The following GNG2 variants were observed in gnomAD, a reference collection of about 807,000 sequenced individuals.
GNG2 encodes guanine nucleotide-binding protein G(I)/G(S)/G(O) subunit gamma-2.
A neutral mutation model predicts 5.5 loss-of-function variants in GNG2; 5 were observed. The ratio of observed to expected loss-of-function variants is 0.91; its 90% CI spans 0.48 to 1.92. The LOEUF (loss-of-function observed/expected upper bound fraction) is 1.92, where lower values mean the gene tolerates loss of function less well. Ranked by LOEUF, GNG2 falls within the 30% of genes most tolerant of loss-of-function variation. The probability of loss-of-function intolerance (pLI) is 0.01; values close to 1 mark genes in which losing one functional copy is unlikely to be tolerated. For missense variants in GNG2, 55 were observed against 88.4 expected, an observed-to-expected ratio of 0.62 and a Z score of 1.52; for synonymous variants, 28 against 32.0, an observed-to-expected ratio of 0.88 and a Z score of 0.42.
Position 51,908,550 on chromosome 14 carries a change from CTAT to C in GNG2, c.-30+30894_-30+30896del, listed in dbSNP as rs1566679357. Reference sequence around the variant, plus strand: ...AAGATCTATCTATCTATCTATCTATCTATCTATCTATCCATATATATAGAGAGA... The same window carrying C: ...AAGATCTATCTATCTATCTATCTATCCTATCTATCCATATATATAGAGAGA... On this transcript the variant is annotated intron_variant, in intron 2 of 3. Transcript: ENST00000556766. 7.3e-4 allele frequency among the ~76,000 whole-genome samples: 110 copies of C among 151,722 alleles called. 1 individual carries two copies. Among genetic ancestry groups the C allele is most frequent in the Middle Eastern group, 3.4e-3 (1 of 294 alleles).
intron 2 of GNG2, among the ~76,000 whole-genome samples, chr14:51,886,577 T>C (rs965143527): frequency 6.6e-6 from 1 of 152,156 alleles, no homozygotes; most frequent in Admixed American, 6.5e-5. Flanking sequence ...GGGCAGAGTA[T>C]AGGAAAACTG....
chr14:51,901,446 G>C (rs1466347504), intron 2 of GNG2, among the ~76,000 whole-genome samples: 2 of 151,972 alleles, frequency 1.3e-5, no homozygotes, highest in Non-Finnish European at 2.9e-5. Flanking sequence ...GGCCTGCCTA[G>C]GCCTCCCAAA....
chr14:51,827,551 T>C (rs1278954429), intron 1 of GNG2: 4 of 585,486 alleles, frequency 6.8e-6, no homozygotes, highest in Non-Finnish European at 9.1e-6. Context: ...AGTGGTATTT[T>C]TTGATGTCAT....
intron 3 of GNG2, among the ~76,000 whole-genome samples, chr14:51,965,129 C>T (rs1889821308): frequency 6.6e-6 from 1 of 152,178 alleles, no homozygotes; most frequent in South Asian, 2.1e-4. Context: ...ATCTCTCTGG[C>T]CAGAGCAAGC....
chr14:51,914,451 GT>G (rs1470543328), intron 2 of GNG2, among the ~76,000 whole-genome samples: 2 of 152,198 alleles, frequency 1.3e-5, no homozygotes, highest in African/African-American at 4.8e-5. Context: ...AATGAATGCT[GT>G]TTTGGCACGA....
At chr14:51,859,384 A>G (rs1882315253), upstream of GNG2, among the ~76,000 whole-genome samples, 1 of 152,194 alleles carries the variant, frequency 6.6e-6, no homozygotes, top group African/African-American at 2.4e-5. Flanking sequence ...TCTGGGCTCA[A>G]TTGTGAACAT....
intron 2 of GNG2, chr14:51,916,606 G>A (rs1886652287): frequency 2.5e-6 from 1 of 405,106 alleles, no homozygotes; most frequent in South Asian, 1.8e-5. Context: ...CATTGAGGGG[G>A]AGGAAGCCAG....
At chr14:51,834,019 A>G (rs1348921496) in intron 2 of GNG2, among the ~76,000 whole-genome samples, 1 of 152,228 alleles carries the variant, frequency 6.6e-6, no homozygotes, top group East Asian at 1.9e-4. Context: ...CAACTGAATT[A>G]GTAAACATGG....
At chr14:51,853,277 G>A (rs1197801702) in intron 2 of GNG2, among the ~76,000 whole-genome samples, 6 of 152,260 alleles carry the variant, frequency 3.9e-5, no homozygotes, top group Admixed American at 6.5e-5. Flanking sequence ...GAAGAGATGC[G>A]AGACCTAGCC....
intron 2 of GNG2, among the ~76,000 whole-genome samples, chr14:51,935,536 C>A (rs1887941845): frequency 6.6e-6 from 1 of 152,108 alleles, no homozygotes; most frequent in Admixed American, 6.5e-5. Flanking sequence ...TAATAATGCT[C>A]CCAATTTGGG....
chr14:51,911,572 C>G (rs1886297447), intron 2 of GNG2, among the ~76,000 whole-genome samples: 1 of 150,062 alleles, frequency 6.7e-6, no homozygotes, highest in African/African-American at 2.5e-5. Flanking sequence ...GAGACAGAGT[C>G]TTGCTCTATT....
At chr14:51,839,873 G>A (rs1881436756) in intron 2 of GNG2, among the ~76,000 whole-genome samples, 1 of 152,078 alleles carries the variant, frequency 6.6e-6, no homozygotes, top group African/African-American at 2.4e-5. Flanking sequence ...TGGAGTCCTG[G>A]AATATATGCA....
intron 1 of GNG2, among the ~76,000 whole-genome samples, chr14:51,868,716 A>G (rs542943916): frequency 1.3e-5 from 2 of 152,212 alleles, no homozygotes; most frequent in Non-Finnish European, 2.9e-5. Context: ...CTTCACATAC[A>G]TGTTCTGTAA....
At chr14:51,960,079 C>T (rs1440574609) in intron 3 of GNG2, among the ~76,000 whole-genome samples, 1 of 152,012 alleles carries the variant, frequency 6.6e-6, no homozygotes, top group Non-Finnish European at 1.5e-5. Context: ...TTTTCTTTAT[C>T]TTTCACTCCC....
chr14:51,866,171 G>A (rs112661336), intron 1 of GNG2, among the ~76,000 whole-genome samples: 2,612 of 152,218 alleles, frequency 0.017, 33 homozygotes, highest in South Asian at 0.031. Flanking sequence ...TGGCCAGCCC[G>A]GGTGTGGGGT....
intron 2 of GNG2, among the ~76,000 whole-genome samples, chr14:51,829,845 C>CTT (rs35713457): frequency 0.014 from 1,938 of 137,856 alleles, 55 homozygotes; most frequent in African/African-American, 0.045. Context: ...CCTACTTCTT[C>CTT]TTTTTTTTTT....
At chr14:51,914,264 G>T in intron 2 of GNG2, 1 of 702,232 alleles carries the variant, frequency 1.4e-6, no homozygotes, top group Non-Finnish European at 2.6e-6. Context: ...AAACGGACAA[G>T]CCAGACCAAG....
chr14:51,832,619 G>A (rs150438414), intron 2 of GNG2, among the ~76,000 whole-genome samples: 70 of 152,346 alleles, frequency 4.6e-4, no homozygotes, highest in African/African-American at 1.7e-3. Context: ...CAAGGTGCTA[G>A]CATGATCAGT....
rs543430770 is a variant in GNG2 at position 51,898,073 on chromosome 14, C to T, written c.-30+20416C>T. Among the ~76,000 whole-genome samples the T allele has an allele frequency of 5.3e-5, 8 of 152,242 alleles. No homozygotes were observed. In the South Asian group the frequency reaches 1.2e-3, roughly 24 times the overall value. On this transcript the variant is annotated intron_variant, in intron 2 of 3. Transcript: ENST00000556766. Reference sequence around the variant, plus strand: ...CTTTCCATCTATGGCCTGGGCTTCTCAAGTGAATTGCCTGTGTCCTGTGGT... The same window carrying T: ...CTTTCCATCTATGGCCTGGGCTTCTTAAGTGAATTGCCTGTGTCCTGTGGT...
Sources: allele counts gnomAD v4.1 joint callset (sites outside exome capture counted in the v4.1 genomes callset), GRCh38; gene constraint gnomAD v4.1.1; transcripts MANE v1.5; gene names NCBI Gene and HGNC (gene_info 2026-07-23, HGNC 2026-07-21).